Variants in CLEC16A observed in about 807,000 individuals in gnomAD.
CLEC16A encodes the protein protein CLEC16A.
Under a neutral mutation model 109.5 loss-of-function variants are expected in CLEC16A, and 51 were observed. That is an observed-to-expected ratio of 0.47 (90% CI 0.37 to 0.59). The LOEUF is 0.59. Among genes scored for constraint, CLEC16A ranks in the 20% least tolerant of loss-of-function variants. The pLI, the probability that CLEC16A is intolerant of heterozygous loss-of-function variation, is 0.00. For missense variants in CLEC16A, 1,339 were observed against 1,394.0 expected (o/e 0.96, Z 0.63); for synonymous variants, 673 against 564.2 (o/e 1.19, Z -2.73).
At chr16:11,029,946 G>T (rs1567217444) in intron 13 of CLEC16A, among the ~76,000 whole-genome samples, 1 of 151,880 alleles carries the variant, frequency 6.6e-6, no homozygotes, top group Non-Finnish European at 1.5e-5. Flanking sequence ...GATTAGTTTT[G>T]CACTTTCTAA....
intron 10 of CLEC16A, among the ~76,000 whole-genome samples, chr16:10,995,049 T>A (rs113105999): frequency 6.6e-4 from 100 of 152,236 alleles, no homozygotes; most frequent in African/African-American, 2.2e-3. Flanking sequence ...CCTGTGTAGT[T>A]CCTTGCCCCA....
At chr16:11,059,209 G>T (rs1392658939) in intron 18 of CLEC16A, among the ~76,000 whole-genome samples, 1 of 152,166 alleles carries the variant, frequency 6.6e-6, no homozygotes. Flanking sequence ...TTAAAAAATA[G>T]AAGTTCTTTT....
At position 10,977,208 on chromosome 16, in the gene CLEC16A, G is replaced by C. The variant is rs187364155; in HGVS notation, c.729-17G>C. The C allele has an allele frequency of 1.9e-6, 3 of 1,610,634 alleles. No homozygotes were observed. The African/African-American group carries it at 4.0e-5, about 22-fold the overall frequency. On this transcript the variant is annotated splice_polypyrimidine_tract_variant and intron_variant, in intron 7 of 23. Transcript: ENST00000409790. The stretch of plus-strand genomic sequence containing the variant: ...TAGTGTTGGCCTCCAGGCTGAGGTG[G>C]TCATTTCTCCTGGCAGGCATCGGAA...
intron 13 of CLEC16A, among the ~76,000 whole-genome samples, chr16:11,025,225 A>G (rs1312439386): frequency 1.3e-5 from 2 of 152,164 alleles, no homozygotes; most frequent in Non-Finnish European, 2.9e-5. Context: ...CTTGATTTAC[A>G]ACTGACTTAG....
intron 22 of CLEC16A, among the ~76,000 whole-genome samples, chr16:11,159,129 A>C (rs1206326868): frequency 6.6e-6 from 1 of 152,234 alleles, no homozygotes; most frequent in Non-Finnish European, 1.5e-5. Flanking sequence ...GACTGCGGCC[A>C]TACTGAGGTC....
intron 19 of CLEC16A, among the ~76,000 whole-genome samples, chr16:11,091,080 G>A (rs762322829): frequency 1.5e-4 from 23 of 152,038 alleles, no homozygotes; most frequent in Non-Finnish European, 1.9e-4. Context: ...GATTACAGGC[G>A]TGAGCCACCA....
chr16:11,162,795 G>T lies in CLEC16A; in HGVS notation c.2642-3593G>T, dbSNP rs147675444. 2.9e-3 allele frequency among the ~76,000 whole-genome samples: 440 copies of T among 152,278 alleles called. 3 individuals carry two copies. Among genetic ancestry groups the T allele is most frequent in the African/African-American group, 0.01 (418 of 41,554 alleles). ...TTCTTGGACTTATCAGCTGTCTTCT[G>T]TTCTCTGTTCTGCACACCAATATGC... is the stretch of plus-strand genomic sequence containing the variant. On this transcript the variant is annotated intron_variant, in intron 22 of 23. Transcript: ENST00000409790.
chr16:11,135,683 G>C (rs532636317), intron 22 of CLEC16A, among the ~76,000 whole-genome samples: 1 of 152,240 alleles, frequency 6.6e-6, no homozygotes, highest in Admixed American at 6.5e-5. Flanking sequence ...TGCAGTAGGT[G>C]GGGGGAGAGA....
chr16:11,135,517 G>A (rs2053506002), intron 22 of CLEC16A, among the ~76,000 whole-genome samples: 1 of 152,176 alleles, frequency 6.6e-6, no homozygotes. Context: ...TGGAGGGAGG[G>A]GAAGAAGAGA....
At chr16:11,111,403 T>C (rs2051576303) in intron 19 of CLEC16A, among the ~76,000 whole-genome samples, 1 of 152,150 alleles carries the variant, frequency 6.6e-6, no homozygotes, top group African/African-American at 2.4e-5. Flanking sequence ...ACATGGTGGA[T>C]AGGTTCCAAG....
chr16:11,014,885 G>A (rs777171382), intron 11 of CLEC16A, among the ~76,000 whole-genome samples: 118 of 152,202 alleles, frequency 7.8e-4, no homozygotes, highest in Non-Finnish European at 1.4e-3. Flanking sequence ...AGCACTATGA[G>A]GAGGTTCCCT....
At chr16:11,095,817 G>GA (rs34366897) in intron 19 of CLEC16A, among the ~76,000 whole-genome samples, 284 of 105,872 alleles carry the variant, frequency 2.7e-3, no homozygotes, top group East Asian at 4.5e-3. Context: ...GTCTCAAAAA[G>GA]AAAAAAAAAA....
Position 10,979,398 on chromosome 16 carries a change from C to T in CLEC16A, c.957+16C>T. 6.2e-7 allele frequency: 1 copy of T among 1,611,264 alleles called. No individual in the cohort carries two copies. The highest frequency in any genetic ancestry group is 1.1e-5 in the South Asian group (1 of 90,544). Reference sequence around the variant, plus strand: ...TCTGTCACAGGTATGCTTGATCATTCACCAATGTCCCCACTACATTTGGGG... The same window carrying T: ...TCTGTCACAGGTATGCTTGATCATTTACCAATGTCCCCACTACATTTGGGG... On this transcript the variant is annotated intron_variant, in intron 9 of 23. Coordinates refer to ENST00000409790, the MANE Select transcript of CLEC16A (RefSeq NM_015226.3).
chr16:11,055,644 G>A (rs369501922), intron 18 of CLEC16A, among the ~76,000 whole-genome samples: 3 of 129,632 alleles, frequency 2.3e-5, no homozygotes, highest in Non-Finnish European at 4.7e-5. Context: ...CTGGAGTGCA[G>A]TGGCATGATC....
chr16:11,050,188 TA>T lies in CLEC16A; in HGVS notation c.1867-1323del, dbSNP rs1384060032. Among the ~76,000 whole-genome samples, 19 of 152,340 alleles carry T rather than the reference TA, an allele frequency of 1.2e-4. No homozygotes were observed. The South Asian group carries it at 1.9e-3, about 15-fold the overall frequency. On this transcript the variant is annotated intron_variant, in intron 17 of 23. Coordinates refer to ENST00000409790, the MANE Select transcript of CLEC16A (RefSeq NM_015226.3). ...CAAGAGGGAACAGAACTCACTCTTA[TA>T]ACAAAGTCACTCTCACCATCATTGA...
intron 18 of CLEC16A, among the ~76,000 whole-genome samples, chr16:11,054,924 T>C (rs1457384054): frequency 6.8e-6 from 1 of 147,628 alleles, no homozygotes; most frequent in Admixed American, 6.8e-5. Flanking sequence ...GATTCAAAGG[T>C]TTTCTTTCTT....
chr16:11,159,248 A>G (rs982455863), intron 22 of CLEC16A, among the ~76,000 whole-genome samples: 1 of 152,228 alleles, frequency 6.6e-6, no homozygotes, highest in Non-Finnish European at 1.5e-5. Flanking sequence ...TGAATGTCCC[A>G]TGGACTGCAT....
rs1292051005 is a variant in CLEC16A at position 10,969,327 on chromosome 16, G to C, written c.492+18G>C. 6.4e-7 allele frequency: 1 copy of C among 1,573,802 alleles called. No individual in the cohort carries two copies. Among genetic ancestry groups the C allele is most frequent in the African/African-American group, 1.4e-5 (1 of 72,440 alleles). On this transcript the variant is annotated intron_variant, in intron 4 of 23. Transcript: ENST00000409790. ...ATAATGAGGTAAGTAATTGCCAGAG[G>C]GGCACGTGTGGGTGTAAAGCCACAC... is the stretch of plus-strand genomic sequence containing the variant.
intron 17 of CLEC16A, among the ~76,000 whole-genome samples, chr16:11,051,189 C>G (rs544710925): frequency 6.6e-6 from 1 of 152,340 alleles, no homozygotes; most frequent in East Asian, 1.9e-4. Flanking sequence ...CATACCTGGC[C>G]TCCTGCTGAG....
Sources: gnomAD v4.1 joint callset for allele counts (sites outside exome capture counted in the v4.1 genomes callset) on GRCh38, gnomAD v4.1.1 for gene constraint, MANE v1.5 for transcripts, NCBI Gene and HGNC (gene_info 2026-07-23, HGNC 2026-07-21) for gene names.